Variants in SPEF2 observed in about 807,000 individuals in gnomAD.
SPEF2 encodes the protein sperm flagella and cilia-associated protein 2.
In SPEF2, 187 loss-of-function variants were observed where a neutral mutation model predicts 224.6. The observed-to-expected ratio is 0.83, with a 90% CI of 0.74 to 0.94. The LOEUF is 0.94. Ranked by LOEUF, SPEF2 falls within the 40% of genes least tolerant of loss-of-function variation. SPEF2 has a pLI of 0.00. For missense variants in SPEF2, 2,170 were observed against 2,135.6 expected (o/e 1.02, Z -0.32); for synonymous variants, 715 against 707.3 (o/e 1.01, Z -0.17).
chr5:35,718,760 G>A (rs766245729), intron 20 of SPEF2, among the ~76,000 whole-genome samples: 3 of 152,142 alleles, frequency 2.0e-5, no homozygotes, highest in Non-Finnish European at 2.9e-5. Flanking sequence ...TGGCTTAATC[G>A]GCAGGAATCA....
At chr5:35,744,941 C>A (rs1425875265) in intron 23 of SPEF2, among the ~76,000 whole-genome samples, 1 of 152,122 alleles carries the variant, frequency 6.6e-6, no homozygotes, top group Non-Finnish European at 1.5e-5. Flanking sequence ...ACTGCTCCTG[C>A]GGGACCTGGG....
In SPEF2 at chr5:35,727,717, A is replaced by G. The variant is rs765543984; in HGVS notation, c.2957A>G (p.Lys986Arg). 6.2e-7 allele frequency: 1 copy of G among 1,613,856 alleles called. No individual in the cohort carries two copies. Among genetic ancestry groups the G allele is most frequent in the Admixed American group, 1.7e-5 (1 of 59,994 alleles). ...TCATCAGGAGGAAAAGTACCAGTAA[A>G]GAAATCACCTGCTGACTCTACAGAT... ...GKSSGGKVPV[K>R]KSPADSTDTS... The change falls in exon 21 of 37, where the codon AAG (lysine) becomes AGG (arginine). Residue 986 changes from lysine (K) to arginine (R), a missense_variant. By Grantham distance (26) the Lys-to-Arg change is conservative. Transcript: ENST00000356031.
intron 7 of SPEF2, among the ~76,000 whole-genome samples, chr5:35,658,173 C>G (rs770555841): frequency 6.6e-6 from 1 of 152,140 alleles, no homozygotes; most frequent in East Asian, 1.9e-4. Context: ...GAAATAGGCC[C>G]GAGAAACTGA....
At chr5:35,681,734 G>T (rs983605994) in intron 10 of SPEF2, among the ~76,000 whole-genome samples, 3 of 152,134 alleles carry the variant, frequency 2.0e-5, no homozygotes, top group Non-Finnish European at 2.9e-5. Flanking sequence ...GTACAGAAAT[G>T]CTAGGTCACA....
At chr5:35,713,227 C>T (rs1478029330) in intron 20 of SPEF2, among the ~76,000 whole-genome samples, 1 of 152,104 alleles carries the variant, frequency 6.6e-6, no homozygotes, top group African/African-American at 2.4e-5. Flanking sequence ...TATTGGATTT[C>T]CTTCACTGAT....
intron 9 of SPEF2, among the ~76,000 whole-genome samples, chr5:35,668,283 G>C (rs1407239458): frequency 6.6e-6 from 1 of 152,044 alleles, no homozygotes; most frequent in Non-Finnish European, 1.5e-5. Flanking sequence ...AGGTAATAGA[G>C]TGTGATACAT....
At chr5:35,762,632 C>G (rs893712446) in intron 25 of SPEF2, among the ~76,000 whole-genome samples, 1 of 152,174 alleles carries the variant, frequency 6.6e-6, no homozygotes, top group African/African-American at 2.4e-5. Flanking sequence ...CTCTCCTCCT[C>G]TAGTTTCAAC....
At chr5:35,750,261 T>G (rs2149715858) in intron 23 of SPEF2, among the ~76,000 whole-genome samples, 1 of 152,102 alleles carries the variant, frequency 6.6e-6, no homozygotes, top group Non-Finnish European at 1.5e-5. Context: ...ACAAGATAAC[T>G]TTGGAAGAAC....
chr5:35,784,167 G>A (rs530453495), intron 30 of SPEF2, among the ~76,000 whole-genome samples: 20 of 147,266 alleles, frequency 1.4e-4, no homozygotes, highest in African/African-American at 4.5e-4. Context: ...TTGCTCTGTC[G>A]CCCAGGCTGG....
At chr5:35,653,471 A>G (rs992502854) in intron 6 of SPEF2, among the ~76,000 whole-genome samples, 1 of 152,158 alleles carries the variant, frequency 6.6e-6, no homozygotes, top group African/African-American at 2.4e-5. Context: ...CCATCTGTAC[A>G]TAGAAGTATT....
At chr5:35,789,583 G>A in intron 30 of SPEF2, 1 of 646,282 alleles carries the variant, frequency 1.5e-6, no homozygotes, top group Non-Finnish European at 2.7e-6. Flanking sequence ...TCTGCTGTGA[G>A]AAACATTGTT....
In SPEF2 at chr5:35,759,684, A is replaced by G. The variant is rs761193636; in HGVS notation, c.3585A>G (p.Gln1195=). Residue 1195 remains glutamine (Q), a synonymous_variant, in exon 25 of 37, where the codon CAA becomes CAG. Coordinates refer to ENST00000356031, the MANE Select transcript of SPEF2 (RefSeq NM_024867.4). ...GATTTACTCGAATCCCTTTGGTCCA[A>G]CTGGATAGTAAAGACAATTCTGAAA... ...NKRFTRIPLV[Q]LDSKDNSESQ... 16 of 1,605,308 alleles carry G rather than the reference A, an allele frequency of 1.0e-5. No homozygotes were observed. Among genetic ancestry groups the G allele is most frequent in the Middle Eastern group, 3.3e-4 (2 of 6,034 alleles).
At chr5:35,767,789 A>T (rs1752284622) in intron 26 of SPEF2, among the ~76,000 whole-genome samples, 1 of 152,130 alleles carries the variant, frequency 6.6e-6, no homozygotes, top group African/African-American at 2.4e-5. Context: ...GTGTATAAGG[A>T]TACTAAAATG....
intron 30 of SPEF2, chr5:35,788,650 G>A (rs928336198): frequency 1.4e-6 from 1 of 702,970 alleles, no homozygotes. Context: ...GCCAAGACTG[G>A]GCAAAGAAGC....
intron 10 of SPEF2, among the ~76,000 whole-genome samples, chr5:35,677,597 G>A (rs995477395): frequency 4.6e-5 from 7 of 152,156 alleles, no homozygotes; most frequent in Admixed American, 4.6e-4. Flanking sequence ...GCCTTGGAAG[G>A]GCCATGGTGG....
At chr5:35,650,058 G>T (rs1339864186) in intron 6 of SPEF2, among the ~76,000 whole-genome samples, 1 of 152,170 alleles carries the variant, frequency 6.6e-6, no homozygotes, top group Non-Finnish European at 1.5e-5. Flanking sequence ...CAAACTCTAT[G>T]CATTTACATC....
chr5:35,768,679 T>G (rs541523525), intron 26 of SPEF2, among the ~76,000 whole-genome samples: 2 of 152,274 alleles, frequency 1.3e-5, no homozygotes, highest in Admixed American at 6.5e-5. Context: ...TTAAAAAATC[T>G]TATAGAAAGC....
chr5:35,625,661 T>C (rs1313288843), intron 1 of SPEF2, among the ~76,000 whole-genome samples: 2 of 152,142 alleles, frequency 1.3e-5, no homozygotes, highest in Admixed American at 6.5e-5. Context: ...AGTGGCTCTT[T>C]AGAAAACTAA....
At chr5:35,774,068 C>A in intron 28 of SPEF2, 47 bp downstream of exon 28, 1 of 1,591,800 alleles carries the variant, frequency 6.3e-7, no homozygotes, top group Non-Finnish European at 8.5e-7. Flanking sequence ...AGAAAGGAGA[C>A]CAGTAGCCAA....
Sources: allele counts gnomAD v4.1 joint callset (sites outside exome capture counted in the v4.1 genomes callset), GRCh38; gene constraint gnomAD v4.1.1; transcripts MANE v1.5; gene names NCBI Gene and HGNC (gene_info 2026-07-23, HGNC 2026-07-21).